Variants in HFM1 observed in about 807,000 individuals in gnomAD.
The protein encoded by HFM1 is probable ATP-dependent DNA helicase HFM1.
Under a neutral mutation model 192.1 loss-of-function variants are expected in HFM1, and 169 were observed. That is an observed-to-expected ratio of 0.88 (90% CI 0.78 to 1.00). HFM1 has a LOEUF of 1.00. Ranked by LOEUF, HFM1 falls within the 50% of genes least tolerant of loss-of-function variation. The probability of loss-of-function intolerance (pLI) is 0.00; values close to 1 mark genes in which losing one functional copy is unlikely to be tolerated. For synonymous variants in HFM1, 525 were observed against 537.8 expected, an observed-to-expected ratio of 0.98 and a Z score of 0.33; for missense variants, 1,661 against 1,668.0, an observed-to-expected ratio of 1.00 and a Z score of 0.07.
chr1:91,305,567 C>A (rs55729705), intron 30 of HFM1, among the ~76,000 whole-genome samples: 23 of 150,884 alleles, frequency 1.5e-4, no homozygotes, highest in Non-Finnish European at 2.8e-4. Context: ...TTATTTATTT[C>A]TTTTTTTTTC....
intron 2 of HFM1, 135 bp from the exon 3 acceptor site, chr1:91,396,540 C>T (rs1663685056): frequency 3.8e-6 from 2 of 532,336 alleles, no homozygotes; most frequent in Middle Eastern, 5.0e-4. Context: ...TTTGATTTAT[C>T]CCTATACAGC....
chr1:91,296,425 A>G (rs1331876748), intron 30 of HFM1, among the ~76,000 whole-genome samples: 1 of 152,134 alleles, frequency 6.6e-6, no homozygotes, highest in Admixed American at 6.5e-5. Flanking sequence ...CTACTGTTTA[A>G]TAACAGGTCT....
intron 30 of HFM1, among the ~76,000 whole-genome samples, chr1:91,303,228 A>G (rs1372591663): frequency 2.0e-5 from 3 of 152,180 alleles, no homozygotes; most frequent in African/African-American, 7.2e-5. Context: ...TTATGTCTCT[A>G]TAGATTTACC....
chr1:91,366,833 G>A (rs942278473), intron 13 of HFM1, among the ~76,000 whole-genome samples: 1 of 152,248 alleles, frequency 6.6e-6, no homozygotes, highest in African/African-American at 2.4e-5. Context: ...GGAAATGCAA[G>A]GGGTCAGGGA....
chr1:91,289,719 G>A (rs1325805915), intron 30 of HFM1, among the ~76,000 whole-genome samples: 1 of 152,120 alleles, frequency 6.6e-6, no homozygotes, highest in Non-Finnish European at 1.5e-5. Context: ...AAACCAGTCA[G>A]GCGTGGCGGC....
intron 1 of HFM1, 46 bp from the exon 2 acceptor site, chr1:91,401,155 TA>T (rs775620639): frequency 1.1e-5 from 9 of 823,450 alleles, no homozygotes; most frequent in Non-Finnish European, 1.7e-5. Context: ...TATAAAGATG[TA>T]AAAAAATATT....
At chr1:91,287,747 A>G (rs1668188815) in intron 30 of HFM1, among the ~76,000 whole-genome samples, 1 of 151,662 alleles carries the variant, frequency 6.6e-6, no homozygotes, top group Non-Finnish European at 1.5e-5. Context: ...CCAAAGGCAA[A>G]GAAGTTGAAA....
At chr1:91,401,141 T>C (rs1664266961) in intron 1 of HFM1, 32 bp from the exon 2 acceptor site, 1 of 933,644 alleles carries the variant, frequency 1.1e-6, no homozygotes, top group Non-Finnish European at 1.6e-6. Context: ...GTTTATATTT[T>C]ATTTATAAAG....
chr1:91,373,644 G>A (rs962995311), intron 13 of HFM1, among the ~76,000 whole-genome samples: 5 of 151,430 alleles, frequency 3.3e-5, no homozygotes, highest in African/African-American at 4.9e-5. Context: ...AAAAGTGTAT[G>A]GTACCCCCCG....
At chr1:91,394,849 T>G (rs1055703589) in intron 3 of HFM1, among the ~76,000 whole-genome samples, 1 of 152,028 alleles carries the variant, frequency 6.6e-6, no homozygotes, top group Non-Finnish European at 1.5e-5. Flanking sequence ...GCTTCTAAAA[T>G]CAAAATAAAG....
intron 28 of HFM1, 76 bp from the exon 29 acceptor site, chr1:91,314,136 C>T (rs577667362): frequency 1.0e-5 from 9 of 875,526 alleles, no homozygotes; most frequent in Non-Finnish European, 1.4e-5. Flanking sequence ...GCTGATTGTT[C>T]TTAAGAAAGA....
intron 4 of HFM1, among the ~76,000 whole-genome samples, chr1:91,389,428 G>C (rs115785697): frequency 0.033 from 4,953 of 152,130 alleles, 256 homozygotes; most frequent in African/African-American, 0.11. Flanking sequence ...CCAATGTTAT[G>C]GTATTTGGAG....
chr1:91,361,853 C>A (rs1370691871), intron 13 of HFM1, among the ~76,000 whole-genome samples: 1 of 152,162 alleles, frequency 6.6e-6, no homozygotes, highest in Non-Finnish European at 1.5e-5. Flanking sequence ...GCTTACCCAC[C>A]ATGATCAAGT....
At chr1:91,359,749 T>C (rs1658259655) in intron 13 of HFM1, among the ~76,000 whole-genome samples, 1 of 152,052 alleles carries the variant, frequency 6.6e-6, no homozygotes, top group Non-Finnish European at 1.5e-5. Context: ...AGCCCAGCAT[T>C]CAAATTCAGG....
chr1:91,273,634 G>T, intron 34 of HFM1, 78 bp downstream of exon 34: 1 of 680,396 alleles, frequency 1.5e-6, no homozygotes, highest in Non-Finnish European at 2.5e-6. Context: ...AGATGCCGGT[G>T]TTTCAATAAC....
At chr1:91,308,508 TTAA>T (rs1422363493) in intron 30 of HFM1, among the ~76,000 whole-genome samples, 4 of 152,216 alleles carry the variant, frequency 2.6e-5, no homozygotes, top group African/African-American at 9.6e-5. Flanking sequence ...TATATTTTCT[TTAA>T]AATATTCATA....
At chr1:91,337,132 C>T (rs1654700845) in intron 20 of HFM1, among the ~76,000 whole-genome samples, 1 of 152,126 alleles carries the variant, frequency 6.6e-6, no homozygotes, top group Admixed American at 6.5e-5. Context: ...GGATGCTGGG[C>T]TTGATACACA....
At chr1:91,277,174 A>T in intron 30 of HFM1, 112 bp from the exon 31 acceptor site, 1 of 552,238 alleles carries the variant, frequency 1.8e-6, no homozygotes, top group Non-Finnish European at 3.0e-6. Context: ...AAAAATATTG[A>T]TTTTTATACT....
rs1302736891 is a variant in HFM1, at chr1:91,351,610, G to A, written c.2011C>T (p.Arg671Ter). The A allele has an allele frequency of 5.6e-6, 9 of 1,601,824 alleles. No individual in the cohort carries two copies. Among genetic ancestry groups the A allele is most frequent in the East Asian group, 2.3e-5 (1 of 44,408 alleles). ...DTTATAVIMT[R>*]LSTRDKYIQM... is the part of the protein sequence containing the mutation. ...ATGTACTTGTCCCTTGTGCTTAATCGAGTCATGATAACTGCAGTAGCTGTA... is the reference window on the plus strand; with the variant it reads ...ATGTACTTGTCCCTTGTGCTTAATCAAGTCATGATAACTGCAGTAGCTGTA... Residue 671 changes from arginine (R) to a stop codon, truncating the protein, a stop_gained, in exon 17 of 39, where the codon CGA becomes TGA. Coordinates refer to ENST00000370425, the MANE Select transcript of HFM1 (RefSeq NM_001017975.6). LOFTEE classifies it high-confidence loss of function.
Sources: allele counts gnomAD v4.1 joint callset (sites outside exome capture counted in the v4.1 genomes callset), GRCh38; gene constraint gnomAD v4.1.1; transcripts MANE v1.5; gene names NCBI Gene and HGNC (gene_info 2026-07-23, HGNC 2026-07-21).